CCSER1: variants seen among roughly 807,000 people sequenced by gnomAD.
CCSER1 encodes the protein coiled-coil serine rich protein 1, also known as serine-rich coiled-coil domain-containing protein 1.
Under a neutral mutation model 82.0 loss-of-function variants are expected in CCSER1, and 41 were observed. The ratio of observed to expected loss-of-function variants is 0.50; its 90% confidence interval spans 0.39 to 0.65. The LOEUF (loss-of-function observed/expected upper bound fraction) is 0.65, where lower values mean the gene tolerates loss of function less well. Ranked by LOEUF, CCSER1 falls within the 30% of genes least tolerant of loss-of-function variation. CCSER1 has a pLI of 0.00. For synonymous variants in CCSER1, 414 were observed against 383.9 expected (o/e 1.08, Z -0.92); for missense variants, 1,119 against 1,064.2 (o/e 1.05, Z -0.72).
chr4:91,488,152 T>C (rs1758323878), intron 10 of CCSER1, among the ~76,000 whole-genome samples: 1 of 152,168 alleles, frequency 6.6e-6, no homozygotes. Flanking sequence ...CAATCAATAT[T>C]TTCTATTTAT....
chr4:91,488,383 T>G (rs1758336291), intron 10 of CCSER1, among the ~76,000 whole-genome samples: 1 of 152,200 alleles, frequency 6.6e-6, no homozygotes, highest in African/African-American at 2.4e-5. Context: ...ATTAATTCAA[T>G]AAACATTTAC....
chr4:90,724,635 AT>A, intron 7 of CCSER1: 1 of 375,080 alleles, frequency 2.7e-6, no homozygotes, highest in South Asian at 2.1e-5. Flanking sequence ...GTACTGGGGT[AT>A]TTAGATATTA....
At chr4:91,029,551 T>C (rs1411477150) in intron 9 of CCSER1, among the ~76,000 whole-genome samples, 1 of 152,038 alleles carries the variant, frequency 6.6e-6, no homozygotes, top group Non-Finnish European at 1.5e-5. Context: ...AAAACGGGTG[T>C]GTCCATGACC....
At chr4:90,438,569 A>G (rs1759384939) in intron 4 of CCSER1, among the ~76,000 whole-genome samples, 1 of 152,190 alleles carries the variant, frequency 6.6e-6, no homozygotes, top group Admixed American at 6.5e-5. Flanking sequence ...GAAAAAGTAA[A>G]GGAAATGCTA....
intron 9 of CCSER1, among the ~76,000 whole-genome samples, chr4:91,030,877 C>T (rs1467860011): frequency 3.9e-5 from 6 of 151,964 alleles, no homozygotes; most frequent in Non-Finnish European, 8.8e-5. Flanking sequence ...GGTTTATGAT[C>T]ACACATTACT....
At chr4:91,332,086 T>C (rs573299330) in intron 10 of CCSER1, among the ~76,000 whole-genome samples, 1 of 152,208 alleles carries the variant, frequency 6.6e-6, no homozygotes, top group East Asian at 1.9e-4. Flanking sequence ...ACTATATTGG[T>C]TTATTTGACA....
chr4:90,955,577 A>G (rs1182569967), intron 9 of CCSER1, among the ~76,000 whole-genome samples: 1 of 152,164 alleles, frequency 6.6e-6, no homozygotes, highest in East Asian at 1.9e-4. Context: ...TGGCCAGAGG[A>G]TTCTGCCTCA....
intron 10 of CCSER1, among the ~76,000 whole-genome samples, chr4:91,269,035 T>C (rs972334790): frequency 3.3e-5 from 5 of 152,202 alleles, no homozygotes; most frequent in African/African-American, 1.2e-4. Context: ...CATGCAAAGA[T>C]AACAAACTGG....
intron 5 of CCSER1, among the ~76,000 whole-genome samples, chr4:90,594,903 C>T (rs1307364296): frequency 6.6e-6 from 1 of 151,962 alleles, no homozygotes; most frequent in Non-Finnish European, 1.5e-5. Context: ...AAAACTCTTT[C>T]CTCAGGGAAG....
intron 10 of CCSER1, among the ~76,000 whole-genome samples, chr4:91,312,865 C>A (rs1295003620): frequency 1.3e-5 from 2 of 151,930 alleles, no homozygotes; most frequent in African/African-American, 4.8e-5. Flanking sequence ...AGATAAATAA[C>A]TAAATAAATT....
intron 9 of CCSER1, among the ~76,000 whole-genome samples, chr4:90,933,020 GAAAGAAAGAAAGAA>G (rs1730335841): frequency 2.3e-5 from 2 of 87,146 alleles, no homozygotes; most frequent in South Asian, 5.6e-4. Context: ...AAGAAAGAAA[GAAAGAAAGAAAGAA>G]AGAAAGAAAG....
intron 9 of CCSER1, among the ~76,000 whole-genome samples, chr4:91,041,313 A>G (rs2150577467): frequency 6.6e-6 from 1 of 152,316 alleles, no homozygotes; most frequent in East Asian, 1.9e-4. Context: ...GTTCTCCCAC[A>G]CATTATCCAT....
chr4:91,040,888 T>C (rs1741900862), intron 9 of CCSER1, among the ~76,000 whole-genome samples: 1 of 152,160 alleles, frequency 6.6e-6, no homozygotes, highest in Non-Finnish European at 1.5e-5. Context: ...TTTAAAAAGC[T>C]TTATTTGGAG....
chr4:90,311,463 G>T (rs1428726465), intron 2 of CCSER1, among the ~76,000 whole-genome samples: 1 of 152,068 alleles, frequency 6.6e-6, no homozygotes, highest in Admixed American at 6.6e-5. Context: ...AGCTGGTAAT[G>T]TCAACAAACT....
intron 10 of CCSER1, among the ~76,000 whole-genome samples, chr4:91,334,924 GA>G (rs894204694): frequency 7.5e-4 from 110 of 145,992 alleles, no homozygotes; most frequent in African/African-American, 2.4e-3. Flanking sequence ...ATTTAAGAAT[GA>G]AAAAAAAAAA....
chr4:90,861,913 T>TAC (rs1765133891), intron 8 of CCSER1, among the ~76,000 whole-genome samples: 4 of 122,684 alleles, frequency 3.3e-5, no homozygotes, highest in Middle Eastern at 4.0e-3. Context: ...CTCATATATA[T>TAC]ATATATATAT....
chr4:90,750,319 T>C (rs1157047445), intron 7 of CCSER1, among the ~76,000 whole-genome samples: 2 of 152,092 alleles, frequency 1.3e-5, no homozygotes, highest in African/African-American at 2.4e-5. Context: ...TGTCTTTCTG[T>C]AGAGAATAAA....
chr4:91,584,726 ATAT>A (rs1763903303), intron 10 of CCSER1, among the ~76,000 whole-genome samples: 1 of 151,552 alleles, frequency 6.6e-6, no homozygotes, highest in Non-Finnish European at 1.5e-5. Flanking sequence ...TGAAGTCTAT[ATAT>A]TTTTCTTCAG....
chr4:90,693,543 C>A (rs896062114), intron 6 of CCSER1: 1 of 151,752 alleles, frequency 6.6e-6, no homozygotes, highest in African/African-American at 2.4e-5. Flanking sequence ...AAGGTGTGAA[C>A]AAATGATAAA....
Sources: gnomAD v4.1 joint callset for allele counts (sites outside exome capture counted in the v4.1 genomes callset) on GRCh38, gnomAD v4.1.1 for gene constraint, MANE v1.5 for transcripts, NCBI Gene and HGNC (gene_info 2026-07-23, HGNC 2026-07-21) for gene names.